The following COL23A1 variants were observed in gnomAD, a reference collection of about 807,000 sequenced individuals.
COL23A1 encodes the protein collagen alpha-1(XXIII) chain.
A neutral mutation model predicts 99.3 loss-of-function variants in COL23A1; 97 were observed. The observed-to-expected ratio is 0.98, with a 90% confidence interval of 0.83 to 1.16. The LOEUF (loss-of-function observed/expected upper bound fraction) is 1.16, where lower values mean the gene tolerates loss of function less well. Among genes scored for constraint, COL23A1 ranks in the 50% most tolerant of loss-of-function variants. The probability of loss-of-function intolerance (pLI) is 0.00; values close to 1 mark genes in which losing one functional copy is unlikely to be tolerated. For synonymous variants in COL23A1, 320 were observed against 308.2 expected, an observed-to-expected ratio of 1.04 and a Z score of -0.40; for missense variants, 762 against 757.4, an observed-to-expected ratio of 1.01 and a Z score of -0.07.
intron 2 of COL23A1, among the ~76,000 whole-genome samples, chr5:178,311,719 TTTTGTTTTGTTTTGTTTTG>T (rs1293000877): frequency 3.5e-4 from 14 of 39,824 alleles, no homozygotes; most frequent in Non-Finnish European, 6.3e-4. Flanking sequence ...TGTAACTGTT[TTTTGTTTTGTTTTGTTTTG>T]TTTTTTTTTT....
In COL23A1 at chr5:178,313,084, C is replaced by T. The variant is rs1359761281; in HGVS notation, c.362-6165G>A. 2.0e-5 allele frequency among the ~76,000 whole-genome samples: 3 copies of T among 152,098 alleles called. No individual in the cohort carries two copies. Among genetic ancestry groups the T allele is most frequent in the African/African-American group, 4.8e-5 (2 of 41,412 alleles). ...AGGACGTCACGCGATGGGAAGTAAGCCAGACACAGAAAGACAAATACGGAA... is the reference window on the plus strand; with the variant it reads ...AGGACGTCACGCGATGGGAAGTAAGTCAGACACAGAAAGACAAATACGGAA... On this transcript the variant is annotated intron_variant, in intron 2 of 28. Coordinates refer to ENST00000390654, the MANE Select transcript of COL23A1 (RefSeq NM_173465.4). The surrounding 1 kb of genome is among the most constrained non-coding windows in gnomAD (Gnocchi z 4.2).
chr5:178,572,024 C>T (rs1428672714), intron 1 of COL23A1, among the ~76,000 whole-genome samples: 12 of 148,474 alleles, frequency 8.1e-5, no homozygotes, highest in African/African-American at 2.8e-4. Flanking sequence ...GCCGAGATTG[C>T]GCCACTGCAC....
At chr5:178,351,604 C>T (rs191527989) in intron 2 of COL23A1, among the ~76,000 whole-genome samples, 1 of 152,242 alleles carries the variant, frequency 6.6e-6, no homozygotes, top group East Asian at 1.9e-4. Context: ...GTGGGGGAGA[C>T]ACGAGGTAGC....
At position 178,585,729 on chromosome 5, in the gene COL23A1, T is replaced by G. The variant is rs62391106; in HGVS notation, c.294+4175A>C. Among the ~76,000 whole-genome samples the G allele has an allele frequency of 3.5e-3, 39 of 11,008 alleles. 1 individual carries two copies. The highest frequency in any genetic ancestry group is 4.7e-3 in the Non-Finnish European group (20 of 4,276). 7.2% of individuals were successfully genotyped at this position (11,008 alleles called of 152,430 possible). A position where few individuals can be genotyped will look rare whatever the true frequency, so the allele number is the denominator to read the frequency against. ...GCCCTGGATGGCGCTGGGGTAACACTCCACAGCCCTGGCTGACCCTGTTGG... is the reference window on the plus strand; with the variant it reads ...GCCCTGGATGGCGCTGGGGTAACACGCCACAGCCCTGGCTGACCCTGTTGG... On this transcript the variant is annotated intron_variant, in intron 1 of 28. Coordinates refer to ENST00000390654, the MANE Select transcript of COL23A1 (RefSeq NM_173465.4).
chr5:178,522,402 A>T (rs1450024445), intron 2 of COL23A1, among the ~76,000 whole-genome samples: 1 of 152,184 alleles, frequency 6.6e-6, no homozygotes, highest in Non-Finnish European at 1.5e-5. Context: ...ACATCACAGC[A>T]ACAGGAGAAG....
chr5:178,418,901 T>C (rs1436561395), intron 2 of COL23A1, among the ~76,000 whole-genome samples: 3 of 152,062 alleles, frequency 2.0e-5, no homozygotes, highest in Non-Finnish European at 2.9e-5. Flanking sequence ...CAATTACAGG[T>C]TTACTGTCAC....
At chr5:178,324,464 G>A (rs746224581) in intron 2 of COL23A1, among the ~76,000 whole-genome samples, 2 of 152,098 alleles carry the variant, frequency 1.3e-5, no homozygotes, top group Non-Finnish European at 1.5e-5. Context: ...AACCGCCGGC[G>A]AGGATTTCTA....
Position 178,560,675 on chromosome 5 carries a change from C to T in COL23A1, c.361+7G>A, listed in dbSNP as rs371272960. 225 of 1,611,384 alleles carry T rather than the reference C, an allele frequency of 1.4e-4. No homozygotes were observed. The African/African-American group carries it at 2.0e-3, about 14-fold the overall frequency. ...AGGAGCCAGAAGGGAGCTCAACCTT[C>T]ACTTACCTGGGGGGCAGACACATTC... On this transcript the variant is annotated splice_region_variant and intron_variant, in intron 2 of 28. Coordinates refer to ENST00000390654, the MANE Select transcript of COL23A1 (RefSeq NM_173465.4).
At chr5:178,297,305 G>T (rs145187397) in intron 3 of COL23A1, among the ~76,000 whole-genome samples, 6 of 152,388 alleles carry the variant, frequency 3.9e-5, no homozygotes, top group African/African-American at 1.4e-4. Context: ...TGGATCACCT[G>T]AGGTCAGGAG....
chr5:178,295,012 AAAAAC>A (rs1413835732), intron 3 of COL23A1, among the ~76,000 whole-genome samples: 2 of 152,088 alleles, frequency 1.3e-5, no homozygotes, highest in African/African-American at 4.8e-5. Context: ...AAACAAAACA[AAAAAC>A]AAAAAACTAA....
chr5:178,547,958 A>C, intron 2 of COL23A1, among the ~76,000 whole-genome samples: 1 of 54,860 alleles, frequency 1.8e-5, no homozygotes. Context: ...ACACACCCAC[A>C]CACCTACACC....
rs1760923080 is a variant in COL23A1, at chr5:178,536,098, C to G, written c.361+24584G>C. Reference sequence around the variant, plus strand: ...AGGCTGTCCCTGGCTCTGAGGCCACCAGCAAGGCAGCCACTACGGAGGATG... The same window carrying G: ...AGGCTGTCCCTGGCTCTGAGGCCACGAGCAAGGCAGCCACTACGGAGGATG... On this transcript the variant is annotated intron_variant, in intron 2 of 28. Coordinates refer to ENST00000390654, the MANE Select transcript of COL23A1 (RefSeq NM_173465.4). Among the ~76,000 whole-genome samples, 3 of 152,270 alleles carry G rather than the reference C, an allele frequency of 2.0e-5. No homozygotes were observed. In the South Asian group the frequency reaches 6.2e-4, roughly 31 times the overall value.
At position 178,247,559 on chromosome 5, in the gene COL23A1, G is replaced by C; in HGVS notation, c.1270-7C>G. ...CCTGGATTCCCTGGAGGCCCTGCAG[G>C]AGGAGGAAGCAGATAAGAAGGCTGG... On this transcript the variant is annotated splice_polypyrimidine_tract_variant and splice_region_variant and intron_variant, in intron 21 of 28. Coordinates refer to ENST00000390654, the MANE Select transcript of COL23A1 (RefSeq NM_173465.4). 6.2e-7 allele frequency: 1 copy of C among 1,614,024 alleles called. No individual in the cohort carries two copies. Among genetic ancestry groups the C allele is most frequent in the Non-Finnish European group, 8.5e-7 (1 of 1,179,878 alleles).
At chr5:178,393,628 A>G (rs1489610966) in intron 2 of COL23A1, among the ~76,000 whole-genome samples, 1 of 151,526 alleles carries the variant, frequency 6.6e-6, no homozygotes, top group Non-Finnish European at 1.5e-5. Flanking sequence ...AAAATCATCA[A>G]TCAAGACTCT....
chr5:178,528,794 G>C (rs1029957400), intron 2 of COL23A1, among the ~76,000 whole-genome samples: 3 of 152,246 alleles, frequency 2.0e-5, no homozygotes, highest in Admixed American at 6.5e-5. Context: ...TGGGCAACAA[G>C]AGTGAAACTC....
rs1053284047 is a variant in COL23A1 at position 178,544,670 on chromosome 5, C to A, written c.361+16012G>T. Among the ~76,000 whole-genome samples, 2 of 152,170 alleles carry A rather than the reference C, an allele frequency of 1.3e-5. No homozygotes were observed. The highest frequency in any genetic ancestry group is 4.1e-4 in the South Asian group (2 of 4,832). ...GGGCGGTGCCACAAATGGGAGGTGA[C>A]GATCAGGGGCGGTCACCTTCCAGTC... On this transcript the variant is annotated intron_variant, in intron 2 of 28. Coordinates refer to ENST00000390654, the MANE Select transcript of COL23A1 (RefSeq NM_173465.4). The surrounding 1 kb of genome is among the most constrained non-coding windows in gnomAD (Gnocchi z 4.4).
chr5:178,560,973 G>A (rs1480868716), intron 1 of COL23A1, among the ~76,000 whole-genome samples: 1 of 152,206 alleles, frequency 6.6e-6, no homozygotes, highest in Non-Finnish European at 1.5e-5. Flanking sequence ...TCCCTGAAAA[G>A]GTGGCAGGTT....
intron 2 of COL23A1, chr5:178,345,173 G>A (rs1214307997): frequency 5.5e-6 from 4 of 731,746 alleles, no homozygotes; most frequent in South Asian, 2.7e-5. Flanking sequence ...CCTGGGTCAC[G>A]TAGTCTCTAA....
intron 2 of COL23A1, among the ~76,000 whole-genome samples, chr5:178,320,764 G>A (rs901258745): frequency 2.0e-5 from 3 of 152,370 alleles, no homozygotes; most frequent in East Asian, 1.9e-4. Flanking sequence ...CTGTTGGGCC[G>A]GGTCTGATGT....
Sources: gnomAD v4.1 joint callset for allele counts (sites outside exome capture counted in the v4.1 genomes callset) on GRCh38, gnomAD v4.1.1 for gene constraint, Gnocchi (gnomAD v3.1) non-coding constraint, MANE v1.5 for transcripts, NCBI Gene and HGNC (gene_info 2026-07-23, HGNC 2026-07-21) for gene names.